Variants in RBMS3 observed in about 807,000 individuals in gnomAD.
The protein encoded by RBMS3 is RNA binding motif single stranded interacting protein 3.
RBMS3 carries 27 observed loss-of-function variants against 66.8 expected under a neutral mutation model. That is an observed-to-expected ratio of 0.40 (90% CI 0.30 to 0.56). RBMS3 has a LOEUF of 0.56. Ranked by LOEUF, RBMS3 falls within the 20% of genes least tolerant of loss-of-function variation. The pLI, the probability that RBMS3 is intolerant of heterozygous loss-of-function variation, is 0.40. For missense variants in RBMS3, 513 were observed against 549.5 expected (o/e 0.93, Z 0.66); for synonymous variants, 188 against 183.0 (o/e 1.03, Z -0.22).
At chr3:29,787,570 T>C (rs2056862302) in intron 6 of RBMS3, among the ~76,000 whole-genome samples, 1 of 152,196 alleles carries the variant, frequency 6.6e-6, no homozygotes, top group Non-Finnish European at 1.5e-5. Flanking sequence ...TTGGAGACTA[T>C]TATTCTAAGT....
chr3:29,750,894 T>A (rs1315627622), intron 5 of RBMS3, among the ~76,000 whole-genome samples: 1 of 152,212 alleles, frequency 6.6e-6, no homozygotes, highest in African/African-American at 2.4e-5. Context: ...ATTTTAGAAT[T>A]TGAAATTTAA....
At chr3:29,463,507 A>G (rs780037244) in intron 2 of RBMS3, among the ~76,000 whole-genome samples, 15 of 152,030 alleles carry the variant, frequency 9.9e-5, no homozygotes, top group Non-Finnish European at 1.5e-5. Flanking sequence ...CTTTCCAGCC[A>G]ATCCCAGTTC....
At chr3:29,814,151 T>A (rs1383963483) in intron 6 of RBMS3, among the ~76,000 whole-genome samples, 1 of 151,736 alleles carries the variant, frequency 6.6e-6, no homozygotes, top group Admixed American at 6.6e-5. Flanking sequence ...TTGAGATACA[T>A]CCCATCAATA....
chr3:29,644,986 A>G (rs1553636044), intron 4 of RBMS3, among the ~76,000 whole-genome samples: 1 of 152,230 alleles, frequency 6.6e-6, no homozygotes, highest in Non-Finnish European at 1.5e-5. Flanking sequence ...TTGCTTAACC[A>G]TGGTTCACTT....
At chr3:29,692,986 G>C (rs2052099900) in intron 4 of RBMS3, among the ~76,000 whole-genome samples, 1 of 152,024 alleles carries the variant, frequency 6.6e-6, no homozygotes, top group Non-Finnish European at 1.5e-5. Context: ...TCACTGACTA[G>C]ACATCCTGAT....
chr3:29,656,871 G>A (rs1229855601), intron 4 of RBMS3, among the ~76,000 whole-genome samples: 2 of 152,112 alleles, frequency 1.3e-5, no homozygotes, highest in Non-Finnish European at 2.9e-5. Context: ...TAACCCAATA[G>A]CAGTTCATTT....
chr3:29,944,579 A>G (rs1247760608), intron 12 of RBMS3, among the ~76,000 whole-genome samples: 1 of 151,694 alleles, frequency 6.6e-6, no homozygotes, highest in Non-Finnish European at 1.5e-5. Flanking sequence ...CAAATTCCTG[A>G]AAAGTGGGAA....
chr3:29,397,321 G>A (rs887025685), intron 1 of RBMS3, among the ~76,000 whole-genome samples: 1 of 152,112 alleles, frequency 6.6e-6, no homozygotes, highest in African/African-American at 2.4e-5. Flanking sequence ...CATGTTTCCT[G>A]TAGTCTATGA....
In RBMS3 at chr3:29,821,135, G is replaced by C. The variant is rs552288257; in HGVS notation, c.638-47723G>C. On this transcript the variant is annotated intron_variant, in intron 6 of 14. Coordinates refer to ENST00000383767, the MANE Select transcript of RBMS3 (RefSeq NM_001003793.3). ...TGGAATTCATTATCCAAACAGCCAA[G>C]TATACATATCTGTCAATATGATACA... Among the ~76,000 whole-genome samples the C allele has an allele frequency of 2.6e-5, 4 of 152,252 alleles. No individual in the cohort carries two copies. The South Asian group carries it at 8.3e-4, about 32-fold the overall frequency.
intron 2 of RBMS3, among the ~76,000 whole-genome samples, chr3:29,448,835 G>T (rs1319763880): frequency 6.6e-6 from 1 of 152,148 alleles, no homozygotes; most frequent in Non-Finnish European, 1.5e-5. Flanking sequence ...GCAACTAACA[G>T]AACTGAGGCA....
At chr3:29,716,841 A>G (rs2053419762) in intron 4 of RBMS3, among the ~76,000 whole-genome samples, 1 of 152,044 alleles carries the variant, frequency 6.6e-6, no homozygotes, top group African/African-American at 2.4e-5. Flanking sequence ...GTGTATTCTA[A>G]TTTGTTTCTT....
intron 4 of RBMS3, among the ~76,000 whole-genome samples, chr3:29,603,748 G>A (rs1351913840): frequency 6.6e-6 from 1 of 151,978 alleles, no homozygotes; most frequent in Non-Finnish European, 1.5e-5. Flanking sequence ...ATAGGAAAGT[G>A]CAGATAAGTA....
intron 6 of RBMS3, among the ~76,000 whole-genome samples, chr3:29,802,417 C>A (rs1431401349): frequency 6.6e-6 from 1 of 151,982 alleles, no homozygotes; most frequent in Non-Finnish European, 1.5e-5. Flanking sequence ...ATAACATAAC[C>A]CCAGTTCTCA....
chr3:29,942,457 A>G (rs1042302113), intron 11 of RBMS3, among the ~76,000 whole-genome samples: 1 of 151,800 alleles, frequency 6.6e-6, no homozygotes, highest in African/African-American at 2.4e-5. Flanking sequence ...CAGGAGTTTG[A>G]GGTTACAGTG....
At chr3:29,638,766 G>A (rs1414418173) in intron 4 of RBMS3, among the ~76,000 whole-genome samples, 4 of 151,754 alleles carry the variant, frequency 2.6e-5, no homozygotes, top group East Asian at 3.9e-4. Context: ...AAATTTCATC[G>A]TAGACATTAC....
intron 3 of RBMS3, among the ~76,000 whole-genome samples, chr3:29,519,027 T>C (rs2044749988): frequency 6.6e-6 from 1 of 152,136 alleles, no homozygotes; most frequent in African/African-American, 2.4e-5. Context: ...GCGCTTTGAG[T>C]GTATTTTCGT....
chr3:29,951,332 A>C (rs1364357658), intron 12 of RBMS3, among the ~76,000 whole-genome samples: 1 of 151,958 alleles, frequency 6.6e-6, no homozygotes, highest in East Asian at 1.9e-4. Context: ...AACAGGAAAA[A>C]GTATGGTAGA....
At chr3:29,719,414 T>C (rs1215111960) in intron 4 of RBMS3, among the ~76,000 whole-genome samples, 1 of 152,158 alleles carries the variant, frequency 6.6e-6, no homozygotes, top group East Asian at 1.9e-4. Flanking sequence ...TATGTTCATT[T>C]TTTTTACTTG....
chr3:29,575,155 T>G (rs2047075571), intron 3 of RBMS3, among the ~76,000 whole-genome samples: 1 of 152,200 alleles, frequency 6.6e-6, no homozygotes, highest in South Asian at 2.1e-4. Context: ...AGAACACCCT[T>G]TAGCATTTCT....
Sources: gnomAD v4.1 joint callset for allele counts (sites outside exome capture counted in the v4.1 genomes callset) on GRCh38, gnomAD v4.1.1 for gene constraint, MANE v1.5 for transcripts, NCBI Gene and HGNC (gene_info 2026-07-23, HGNC 2026-07-21) for gene names.